Variants in CCDC191 observed in about 807,000 individuals in gnomAD.
The protein encoded by CCDC191 is coiled-coil domain-containing protein 191.
CCDC191 carries 99 observed loss-of-function variants against 114.0 expected under a neutral mutation model. The ratio of observed to expected loss-of-function variants is 0.87; its 90% CI spans 0.74 to 1.03. The LOEUF (loss-of-function observed/expected upper bound fraction) is 1.03. CCDC191 is among the 50% of genes least tolerant of loss of function. The pLI is 0.00. For missense variants in CCDC191, 973 were observed against 1,087.0 expected (o/e 0.90, Z 1.47); for synonymous variants, 351 against 376.0 (o/e 0.93, Z 0.77).
At chr3:113,998,008 T>TAA (rs35588037) in intron 13 of CCDC191, among the ~76,000 whole-genome samples, 1 of 144,908 alleles carries the variant, frequency 6.9e-6, no homozygotes, top group African/African-American at 2.5e-5. Flanking sequence ...ACTCCTTAAT[T>TAA]AAAAAAAAAA....
At chr3:113,979,097 A>AACAC (rs1224422108) in intron 14 of CCDC191, 87 bp from the exon 15 acceptor site, 8 of 1,276,046 alleles carry the variant, frequency 6.3e-6, no homozygotes, top group Non-Finnish European at 7.7e-6. Context: ...GATGCTATAA[A>AACAC]ACACATTTAG....
chr3:114,005,458 T>TG, intron 10 of CCDC191, 50 bp downstream of exon 10: 1 of 1,522,794 alleles, frequency 6.6e-7, no homozygotes, highest in East Asian at 2.3e-5. Flanking sequence ...GAGCCCAAAG[T>TG]GAAAAACCCC....
chr3:114,011,265 T>C (rs2076065783), intron 8 of CCDC191, among the ~76,000 whole-genome samples: 1 of 152,012 alleles, frequency 6.6e-6, no homozygotes, highest in Non-Finnish European at 1.5e-5. Flanking sequence ...TCTGTTCTCA[T>C]GTCACAAGGG....
chr3:113,998,306 C>CAA (rs61430954), intron 13 of CCDC191, among the ~76,000 whole-genome samples: 27 of 82,566 alleles, frequency 3.3e-4, no homozygotes, highest in South Asian at 1.3e-3. Flanking sequence ...AACTCTGCTT[C>CAA]AAAAAAAAAA....
intron 13 of CCDC191, among the ~76,000 whole-genome samples, chr3:113,986,351 T>C (rs112980290): frequency 0.036 from 5,526 of 152,094 alleles, 142 homozygotes; most frequent in Middle Eastern, 0.054. Context: ...AATGTAACAA[T>C]GGCATAACAA....
chr3:113,997,283 TG>T (rs2075746593), intron 13 of CCDC191, among the ~76,000 whole-genome samples: 1 of 152,174 alleles, frequency 6.6e-6, no homozygotes, highest in African/African-American at 2.4e-5. Context: ...AACATCAGTA[TG>T]AACTCATATT....
rs759473063 is a variant in CCDC191 at position 114,005,641 on chromosome 3, C to T, written c.1735G>A (p.Glu579Lys). ...KLQEQQKTILELKKNLQLAEA... is the reference protein window; with the variant it reads ...KLQEQQKTILKLKKNLQLAEA... Reference sequence around the variant, plus strand: ...GCCAGCTGCAGGTTTTTCTTCAGCTCGAGAATTGTTTTCTGCTGTTCCTGA... The same window carrying T: ...GCCAGCTGCAGGTTTTTCTTCAGCTTGAGAATTGTTTTCTGCTGTTCCTGA... The change falls in exon 10 of 17, where the codon GAG becomes AAG. Residue 579 changes from glutamate (E) to lysine (K), a missense_variant. Glu to Lys is a moderately conservative substitution (Grantham distance 56). Transcript: ENST00000295878. The T allele has an allele frequency of 5.0e-6, 8 of 1,614,078 alleles. No homozygotes were observed. The highest frequency in any genetic ancestry group is 1.6e-4 in the Middle Eastern group (1 of 6,062).
At position 113,982,601 on chromosome 3, in the gene CCDC191, T is replaced by C. The variant is rs2075197488; in HGVS notation, c.2164-1808A>G. On this transcript the variant is annotated intron_variant, in intron 13 of 16. Coordinates refer to ENST00000295878, the MANE Select transcript of CCDC191 (RefSeq NM_020817.2). ...ATAAATGTGTAGCTTTGTCAGCTAG[T>C]ATGCTTTAGGAGAAAAGCCAGAAAT... Among the ~76,000 whole-genome samples the C allele has an allele frequency of 2.6e-5, 4 of 151,954 alleles. No homozygotes were observed. In the South Asian group the frequency reaches 8.3e-4, roughly 32 times the overall value.
intron 11 of CCDC191, chr3:114,003,378 A>G: frequency 2.0e-6 from 2 of 985,252 alleles, no homozygotes; most frequent in Non-Finnish European, 2.4e-6. Flanking sequence ...CAAAAAACTC[A>G]CCAGGCTATT....
intron 2 of CCDC191, among the ~76,000 whole-genome samples, chr3:114,051,857 A>G (rs2076702204): frequency 1.3e-5 from 2 of 152,230 alleles, no homozygotes; most frequent in African/African-American, 4.8e-5. Flanking sequence ...TGAACAAGGA[A>G]GTATTAGAAG....
chr3:114,049,771 T>C (rs6809301), intron 2 of CCDC191, among the ~76,000 whole-genome samples: 17,556 of 152,272 alleles, frequency 0.12, 1,195 homozygotes, highest in Admixed American at 0.19. Context: ...ATACATAATC[T>C]CTATATTTGT....
intron 16 of CCDC191, among the ~76,000 whole-genome samples, chr3:113,973,594 A>G (rs1227401513): frequency 7.0e-5 from 9 of 128,012 alleles, no homozygotes; most frequent in Non-Finnish European, 1.2e-4. Flanking sequence ...CTTGGATGGC[A>G]GGTTTTTTTT....
At chr3:114,015,767 G>C (rs933924959) in intron 8 of CCDC191, among the ~76,000 whole-genome samples, 1 of 152,132 alleles carries the variant, frequency 6.6e-6, no homozygotes, top group African/African-American at 2.4e-5. Context: ...AATATTGTAA[G>C]GACATTTTGT....
rs568214810 is a variant in CCDC191 at position 114,056,358 on chromosome 3, A to C, written c.90+19T>G. On this transcript the variant is annotated intron_variant, in intron 1 of 16. Transcript: ENST00000295878. ...CCTTGGGAAAGTCCCCGCCCTCCAA[A>C]GCTCTCGATTGGGATCACCTTGGGA... The C allele has an allele frequency of 2.5e-6, 4 of 1,613,176 alleles. No individual in the cohort carries two copies. The South Asian group carries it at 4.4e-5, about 18-fold the overall frequency.
Position 114,046,667 on chromosome 3 carries a change from AGG to A in CCDC191, c.193_194del (p.Pro65Ter). 6.2e-7 allele frequency: 1 copy of A among 1,612,396 alleles called. No individual in the cohort carries two copies. The highest frequency in any genetic ancestry group is 1.1e-5 in the South Asian group (1 of 91,050). ...NAFFTRNSDL[P>X]RSPWGQITDL... ...CTGTGATTTGGCCCCAGGGACTTCT[AGG>A]TAAATCTGAATTTCTAGTAAAAAAT... is the stretch of plus-strand genomic sequence containing the variant. On this transcript the variant is annotated frameshift_variant, in exon 3 of 17. Coordinates refer to ENST00000295878, the MANE Select transcript of CCDC191 (RefSeq NM_020817.2). LOFTEE classifies it high-confidence loss of function.
At chr3:113,965,450 T>G in intron 16 of CCDC191, 91 bp from the exon 17 acceptor site, 1 of 661,734 alleles carries the variant, frequency 1.5e-6, no homozygotes, top group South Asian at 2.4e-5. Flanking sequence ...AAATAATTCT[T>G]ATGTTAATAA....
intron 13 of CCDC191, among the ~76,000 whole-genome samples, chr3:113,997,168 AAC>A (rs1177522950): frequency 1.3e-5 from 2 of 152,154 alleles, no homozygotes; most frequent in Admixed American, 1.3e-4. Flanking sequence ...CAAATAAGTA[AAC>A]AGATGAATTG....
At chr3:113,980,212 T>C (rs1409636570) in intron 14 of CCDC191, among the ~76,000 whole-genome samples, 1 of 152,148 alleles carries the variant, frequency 6.6e-6, no homozygotes, top group Non-Finnish European at 1.5e-5. Context: ...AATGAGAGGC[T>C]TGGGGAGAGA....
intron 16 of CCDC191, among the ~76,000 whole-genome samples, chr3:113,970,605 A>G (rs1940702459): frequency 6.6e-6 from 1 of 152,146 alleles, no homozygotes; most frequent in Admixed American, 6.5e-5. Flanking sequence ...TTTAGGGTAC[A>G]TGTGCACAAC....
Sources: gnomAD v4.1 joint callset for allele counts (sites outside exome capture counted in the v4.1 genomes callset) on GRCh38, gnomAD v4.1.1 for gene constraint, MANE v1.5 for transcripts, NCBI Gene and HGNC (gene_info 2026-07-23, HGNC 2026-07-21) for gene names.